The following PRDM12 variants were observed in gnomAD, a reference collection of about 807,000 sequenced individuals.
PRDM12 encodes PR/SET domain 12, also known as PR domain zinc finger protein 12.
A neutral mutation model predicts 29.6 loss-of-function variants in PRDM12; 17 were observed. The ratio of observed to expected loss-of-function variants is 0.57; its 90% CI spans 0.39 to 0.86. The LOEUF (loss-of-function observed/expected upper bound fraction) is 0.86. Ranked by LOEUF, PRDM12 falls within the 40% of genes least tolerant of loss-of-function variation. The pLI is 0.00. For synonymous variants in PRDM12, 231 were observed against 225.8 expected (o/e 1.02, Z -0.21); for missense variants, 422 against 510.8 (o/e 0.83, Z 1.68).
chr9:130,664,883 C>A lies in PRDM12; in HGVS notation c.223+7C>A, dbSNP rs1258596429. On this transcript the variant is annotated splice_region_variant and intron_variant, in intron 1 of 4. Coordinates refer to ENST00000253008, the MANE Select transcript of PRDM12 (RefSeq NM_021619.3). The surrounding 1 kb of genome is among the most constrained non-coding windows in gnomAD (Gnocchi z 6.4). ...GCGCAGTCCTTCTCCGGCGGTGAGTCCAGCCGTCGGAGCCCGGCGCAATCC... is the reference window on the plus strand; with the variant it reads ...GCGCAGTCCTTCTCCGGCGGTGAGTACAGCCGTCGGAGCCCGGCGCAATCC... 1 of 1,523,214 alleles carries A rather than the reference C, an allele frequency of 6.6e-7. No homozygotes were observed. Among genetic ancestry groups the A allele is most frequent in the Admixed American group, 2.0e-5 (1 of 50,164 alleles). The allele number at this position is 1,523,214 out of a possible 1,614,324, so 94.4% of individuals were successfully genotyped here.
chr9:130,671,244 C>T (rs1830786039), intron 3 of PRDM12, among the ~76,000 whole-genome samples: 1 of 152,120 alleles, frequency 6.6e-6, no homozygotes, highest in South Asian at 2.1e-4. Flanking sequence ...ACTCCAGAGG[C>T]TGAGGCAGGA....
intron 3 of PRDM12, among the ~76,000 whole-genome samples, chr9:130,671,807 GCTGTGAT>G (rs1564246272): frequency 6.6e-6 from 1 of 152,192 alleles, no homozygotes; most frequent in African/African-American, 2.4e-5. Flanking sequence ...AAGGACCTCT[GCTGTGAT>G]GTTTTCTTAA....
intron 3 of PRDM12, among the ~76,000 whole-genome samples, chr9:130,672,560 AC>A (rs1398862888): frequency 1.3e-5 from 2 of 152,132 alleles, no homozygotes; most frequent in African/African-American, 4.8e-5. Flanking sequence ...CATTTTTATG[AC>A]GGCGAAACTG....
intron 3 of PRDM12, among the ~76,000 whole-genome samples, chr9:130,674,451 T>TA (rs1050378188): frequency 1.3e-5 from 2 of 151,804 alleles, no homozygotes; most frequent in African/African-American, 4.8e-5. Context: ...ACCCAAACTG[T>TA]AGGCTCTTCT....
chr9:130,680,659 A>ATATATATATATATATATATATATTTT, intron 4 of PRDM12, among the ~76,000 whole-genome samples: 1 of 72,172 alleles, frequency 1.4e-5, no homozygotes, highest in African/African-American at 7.8e-5. Context: ...ATATATATAT[A>ATATATATATATATATATATATATTTT]TTTTTTTTTT....
chr9:130,681,683 C>T lies in PRDM12; in HGVS notation c.*14C>T, dbSNP rs1346042204. 13 of 980,400 alleles carry T rather than the reference C, an allele frequency of 1.3e-5. No homozygotes were observed. The highest frequency in any genetic ancestry group is 1.4e-5 in the Non-Finnish European group (12 of 827,730). The allele number at this position is 980,400 out of a possible 1,614,324, so 60.7% of individuals were successfully genotyped here. On this transcript the variant is annotated 3_prime_UTR_variant, in exon 5 of 5. Transcript: ENST00000253008. This position sits in a 1 kb window ranked among gnomAD's most constrained non-coding sequence, Gnocchi z 8.1. Reference sequence around the variant, plus strand: ...ATGGTGCTGTGAGCGCGCCCGCGCCCCCGCCGGGCCCCGCGCGCTCCTGGG... The same window carrying T: ...ATGGTGCTGTGAGCGCGCCCGCGCCTCCGCCGGGCCCCGCGCGCTCCTGGG...
chr9:130,671,988 C>T (rs1403568416), intron 3 of PRDM12, among the ~76,000 whole-genome samples: 1 of 152,186 alleles, frequency 6.6e-6, no homozygotes, highest in African/African-American at 2.4e-5. Context: ...ACGAAGGCAA[C>T]GGGGCTTTAG....
chr9:130,673,624 T>C lies in PRDM12; in HGVS notation c.571-4905T>C, dbSNP rs140678506. 3.0e-3 allele frequency among the ~76,000 whole-genome samples: 460 copies of C among 151,372 alleles called. 2 individuals carry two copies. The highest frequency in any genetic ancestry group is 0.01 in the Middle Eastern group (3 of 288). ...AATTCTCGTGCCTCAGCCACCTGAA[T>C]AGATGGGAGTACAGGCATGTGCCAC... On this transcript the variant is annotated intron_variant, in intron 3 of 4. Coordinates refer to ENST00000253008, the MANE Select transcript of PRDM12 (RefSeq NM_021619.3).
rs1244634057 is a variant in PRDM12 at position 130,668,711 on chromosome 9, C to G, written c.570+398C>G. ...TTGGGGTGGGAGAGAGGGCGTGTGT[C>G]TGCAGCCGTTTAGCTGTCTGATGGC... On this transcript the variant is annotated intron_variant, in intron 3 of 4. Coordinates refer to ENST00000253008, the MANE Select transcript of PRDM12 (RefSeq NM_021619.3). The surrounding 1 kb of genome is among the most constrained non-coding windows in gnomAD (Gnocchi z 4.0). Among the ~76,000 whole-genome samples the G allele has an allele frequency of 6.6e-6, 1 of 152,198 alleles. No homozygotes were observed.
In PRDM12 at chr9:130,666,756, G is replaced by A. The variant is rs752311289; in HGVS notation, c.372G>A (p.Pro124=). 32 of 1,612,228 alleles carry A rather than the reference G, an allele frequency of 2.0e-5. No homozygotes were observed. The highest frequency in any genetic ancestry group is 2.6e-5 in the Non-Finnish European group (31 of 1,179,486). The change falls in exon 2 of 5, where the codon CCG becomes CCA. Residue 124 remains proline (P), a synonymous_variant. Transcript: ENST00000253008. ...MGPFTGRVIA[P]EHVDICKNNN... Reference sequence around the variant, plus strand: ...CCTTCACCGGCCGCGTGATCGCCCCGGAGCACGTGGACATCTGCAAGAACA... The same window carrying A: ...CCTTCACCGGCCGCGTGATCGCCCCAGAGCACGTGGACATCTGCAAGAACA...
In PRDM12 at chr9:130,664,713, G is replaced by C. The variant is rs748692005; in HGVS notation, c.60G>C (p.Pro20=). The change falls in exon 1 of 5, where the codon CCG becomes CCC. Residue 20 remains proline (P), a synonymous_variant. Coordinates refer to ENST00000253008, the MANE Select transcript of PRDM12 (RefSeq NM_021619.3). The surrounding 1 kb of genome is among the most constrained non-coding windows in gnomAD (Gnocchi z 6.4). ...TGCTCAAGACCGGGCTGAAGGCGCC[G>C]GGACTGGCGCTGGCCGAGGTTATCA... ...ALVLKTGLKA[P]GLALAEVITS... The C allele has an allele frequency of 6.2e-7, 1 of 1,609,542 alleles. No individual in the cohort carries two copies. The highest frequency in any genetic ancestry group is 2.2e-5 in the East Asian group (1 of 44,774).
intron 4 of PRDM12, among the ~76,000 whole-genome samples, chr9:130,680,668 T>A (rs1160163261): frequency 5.0e-5 from 7 of 140,954 alleles, no homozygotes; most frequent in African/African-American, 1.6e-4. Context: ...TATTTTTTTT[T>A]TTTTTAACTG....
intron 3 of PRDM12, among the ~76,000 whole-genome samples, chr9:130,670,377 G>T (rs1411923425): frequency 1.3e-5 from 2 of 152,130 alleles, no homozygotes; most frequent in Non-Finnish European, 2.9e-5. Context: ...CAACACCCCA[G>T]AGACTCTCCC....
Position 130,664,630 on chromosome 9 carries a change from G to A in PRDM12, c.-24G>A. 9.3e-6 allele frequency: 14 copies of A among 1,500,846 alleles called. No individual in the cohort carries two copies. Among genetic ancestry groups the A allele is most frequent in the Non-Finnish European group, 1.2e-5 (14 of 1,126,392 alleles). The allele number at this position is 1,500,846 out of a possible 1,614,324, so 93.0% of individuals were successfully genotyped here. ...CCCCCGTCGGCCCGGCCGTCCCCCGGCGCCGGGGAGCTCCGGGCCGCCCAT... is the reference window on the plus strand; with the variant it reads ...CCCCCGTCGGCCCGGCCGTCCCCCGACGCCGGGGAGCTCCGGGCCGCCCAT... On this transcript the variant is annotated 5_prime_UTR_variant, in exon 1 of 5. Transcript: ENST00000253008. This position sits in a 1 kb window ranked among gnomAD's most constrained non-coding sequence, Gnocchi z 6.4.
chr9:130,679,610 G>A (rs1830875626), intron 4 of PRDM12, among the ~76,000 whole-genome samples: 1 of 151,946 alleles, frequency 6.6e-6, no homozygotes, highest in Admixed American at 6.6e-5. Flanking sequence ...TGAGATTACA[G>A]GCGTAAGCCA....
intron 2 of PRDM12, among the ~76,000 whole-genome samples, chr9:130,667,387 T>C (rs1830743307): frequency 6.6e-6 from 1 of 152,200 alleles, no homozygotes; most frequent in Non-Finnish European, 1.5e-5. Flanking sequence ...GCTTCCATCC[T>C]AGGCCTTTCC....
rs1418680844 is a variant in PRDM12, at chr9:130,681,263, C to A, written c.698C>A (p.Ala233Glu). 2.0e-6 allele frequency: 3 copies of A among 1,469,384 alleles called. No individual in the cohort carries two copies. The South Asian group carries it at 4.0e-5, about 19-fold the overall frequency. The allele number at this position is 1,469,384 out of a possible 1,614,324, so 91.0% of individuals were successfully genotyped here. A position where few individuals can be genotyped will look rare whatever the true frequency, so the allele number is the denominator to read the frequency against. Reference sequence around the variant, plus strand: ...CCGCGGCCAGAGGACTTCCACCCGGCGGACTCGGCGGCTGGCCCCGCGGGC... The same window carrying A: ...CCGCGGCCAGAGGACTTCCACCCGGAGGACTCGGCGGCTGGCCCCGCGGGC... ...KKNKHEDFHP[A>E]DSAAGPAGRM... Residue 233 changes from alanine to glutamate, a missense_variant, in exon 5 of 5, where the codon GCG (alanine) becomes GAG (glutamate). This residue lies in a region of PRDM12 where 300 missense variants were observed against 350.0 expected (regional missense o/e 0.86). Transcript: ENST00000253008. This position sits in a 1 kb window ranked among gnomAD's most constrained non-coding sequence, Gnocchi z 8.1.
At chr9:130,670,164 A>AC (rs1173918130) in intron 3 of PRDM12, among the ~76,000 whole-genome samples, 1 of 151,976 alleles carries the variant, frequency 6.6e-6, no homozygotes, top group Non-Finnish European at 1.5e-5. Context: ...GGTGCTTCCC[A>AC]CCCCACTTCT....
chr9:130,671,246 G>C (rs1039230800), intron 3 of PRDM12, among the ~76,000 whole-genome samples: 3 of 152,150 alleles, frequency 2.0e-5, no homozygotes, highest in African/African-American at 7.2e-5. Flanking sequence ...TCCAGAGGCT[G>C]AGGCAGGAGA....
Sources: gnomAD v4.1 joint callset for allele counts (sites outside exome capture counted in the v4.1 genomes callset) on GRCh38, gnomAD v4.1.1 for gene constraint, gnomAD v4.1.1 regional missense constraint, Gnocchi (gnomAD v3.1) non-coding constraint, MANE v1.5 for transcripts, NCBI Gene and HGNC (gene_info 2026-07-23, HGNC 2026-07-21) for gene names.